Variants in ANKRD6 observed in about 807,000 individuals in gnomAD.
ANKRD6 encodes the protein ankyrin repeat domain-containing protein 6.
Under a neutral mutation model 82.3 loss-of-function variants are expected in ANKRD6, and 56 were observed. The observed-to-expected ratio is 0.68, with a 90% CI of 0.55 to 0.85. The LOEUF (loss-of-function observed/expected upper bound fraction) is 0.85, where lower values mean the gene tolerates loss of function less well. ANKRD6 is among the 40% of genes least tolerant of loss of function. The pLI is 0.00. For synonymous variants in ANKRD6, 347 were observed against 352.1 expected (o/e 0.99, Z 0.16); for missense variants, 852 against 907.6 (o/e 0.94, Z 0.79).
rs558404595 is a variant in ANKRD6, at chr6:89,552,900, C to T, written c.-143-13934C>T. Among the ~76,000 whole-genome samples the T allele has an allele frequency of 2.6e-5, 4 of 152,312 alleles. No individual in the cohort carries two copies. In the East Asian group the frequency reaches 7.7e-4, roughly 29 times the overall value. On this transcript the variant is annotated intron_variant, in intron 1 of 15. Transcript: ENST00000339746. ...TTGCTTCTCCCCACTCCTGCCTCAG[C>T]CAACCTTGGAAGAGAATTGAGAAGG...
chr6:89,509,663 C>A (rs1024969058), intron 1 of ANKRD6, among the ~76,000 whole-genome samples: 2 of 152,154 alleles, frequency 1.3e-5, no homozygotes, highest in African/African-American at 4.8e-5. Flanking sequence ...ATGGTACTTG[C>A]GGCATTAGCA....
At chr6:89,616,398 CT>C in intron 7 of ANKRD6, 160 bp from the exon 8 acceptor site, 1 of 625,870 alleles carries the variant, frequency 1.6e-6, no homozygotes, top group South Asian at 2.0e-5. Flanking sequence ...TCCAAGACCT[CT>C]TTAAGTAGAG....
Position 89,462,826 on chromosome 6 carries a change from C to G in ANKRD6, c.-144+29451C>G, listed in dbSNP as rs571406328. On this transcript the variant is annotated intron_variant, in intron 1 of 15. Transcript: ENST00000339746. ...TGTTTTTACATTGTAGAAAAGTACACGAGTACCCCTATGTATTGACCACCA... is the reference window on the plus strand; with the variant it reads ...TGTTTTTACATTGTAGAAAAGTACAGGAGTACCCCTATGTATTGACCACCA... Among the ~76,000 whole-genome samples the G allele has an allele frequency of 3.6e-4, 54 of 149,068 alleles. 1 individual carries two copies. The highest frequency in any genetic ancestry group is 7.1e-4 in the Non-Finnish European group (48 of 67,506).
In ANKRD6 at chr6:89,606,091, C is replaced by G. The variant is rs773293420; in HGVS notation, c.403C>G (p.Leu135Val). 80 of 1,572,976 alleles carry G rather than the reference C, an allele frequency of 5.1e-5. 1 individual carries two copies. The South Asian group carries it at 8.1e-4, about 16-fold the overall frequency. The change falls in exon 5 of 16, where the codon CTT becomes GTT. Residue 135 changes from leucine to valine, a missense_variant. Coordinates refer to ENST00000339746, the MANE Select transcript of ANKRD6 (RefSeq NM_001242809.2). ...KLLIKAGANV[L>V]AKNKAGNTAL... ...GCTCATTAAAGCAGGAGCCAACGTG[C>G]TTGCCAAGAACAAGGTGAGGCCTGG...
Position 89,630,622 on chromosome 6 carries a change from A to G in ANKRD6, c.1802A>G (p.Asn601Ser). 6.2e-7 allele frequency: 1 copy of G among 1,613,910 alleles called. No homozygotes were observed. Among genetic ancestry groups the G allele is most frequent in the Non-Finnish European group, 8.5e-7 (1 of 1,179,834 alleles). ...VKVQTALLPM[N>S]EAARSDQQAG... ...GTCCAGACAGCCTTGCTACCCATGAATGAGGCAGCCAGATCTGATCAGCAG... is the reference window on the plus strand; with the variant it reads ...GTCCAGACAGCCTTGCTACCCATGAGTGAGGCAGCCAGATCTGATCAGCAG... Residue 601 changes from asparagine (N) to serine (S), a missense_variant, in exon 16 of 16, where the codon AAT becomes AGT. By Grantham distance (46) the Asn-to-Ser change is conservative. Transcript: ENST00000339746.
intron 1 of ANKRD6, among the ~76,000 whole-genome samples, chr6:89,457,778 T>C (rs1032107573): frequency 1.3e-5 from 2 of 152,226 alleles, no homozygotes; most frequent in Non-Finnish European, 2.9e-5. Context: ...GATTGAGTTA[T>C]ATTTTTTCTC....
Position 89,624,633 on chromosome 6 carries a change from C to G in ANKRD6, c.1313C>G (p.Ser438Trp). The G allele has an allele frequency of 6.3e-7, 1 of 1,587,598 alleles. No individual in the cohort carries two copies. Among genetic ancestry groups the G allele is most frequent in the South Asian group, 1.2e-5 (1 of 86,596 alleles). The change falls in exon 13 of 16, where the codon TCG becomes TGG. Residue 438 changes from serine (S) to tryptophan (W), a missense_variant. Physicochemically the swap from Ser to Trp is radical, Grantham distance 177. Coordinates refer to ENST00000339746, the MANE Select transcript of ANKRD6 (RefSeq NM_001242809.2). ...TVEEIKAELG[S>W]VQDKMNTKLG... ...GAGGAGATAAAAGCAGAGCTGGGAT[C>G]GGTTCAGGACAAAATGAATACAAAG...
In ANKRD6 at chr6:89,567,035, A is replaced by C. The variant is rs1274672655; in HGVS notation, c.59A>C (p.Lys20Thr). 1.2e-6 allele frequency: 2 copies of C among 1,607,586 alleles called. No individual in the cohort carries two copies. ...LSERLLVAAY[K>T]GQTENVVQLI... ...GAGCGCCTTCTCGTAGCTGCGTACA[A>C]AGGCCAAACAGAGAATGTGGTTCAG... The change falls in exon 2 of 16, where the codon AAA becomes ACA. Residue 20 changes from lysine (K) to threonine (T), a missense_variant. Physicochemically the swap from Lys to Thr is moderately conservative, Grantham distance 78. Coordinates refer to ENST00000339746, the MANE Select transcript of ANKRD6 (RefSeq NM_001242809.2).
chr6:89,592,787 GACAC>G (rs199793341), intron 2 of ANKRD6, among the ~76,000 whole-genome samples: 1 of 152,054 alleles, frequency 6.6e-6, no homozygotes, highest in Non-Finnish European at 1.5e-5. Flanking sequence ...GATCTCTTGA[GACAC>G]ACACACAAAA....
At chr6:89,485,104 C>T (rs925003950) in intron 1 of ANKRD6, among the ~76,000 whole-genome samples, 3 of 152,158 alleles carry the variant, frequency 2.0e-5, no homozygotes, top group African/African-American at 7.2e-5. Context: ...TCACCCAGCC[C>T]AATGAAGAAT....
Position 89,630,620 on chromosome 6 carries a change from G to C in ANKRD6, c.1800G>C (p.Met600Ile). 1 of 1,613,946 alleles carries C rather than the reference G, an allele frequency of 6.2e-7. No individual in the cohort carries two copies. The highest frequency in any genetic ancestry group is 8.5e-7 in the Non-Finnish European group (1 of 1,179,840). Residue 600 changes from methionine (M) to isoleucine (I), a missense_variant, in exon 16 of 16, where the codon ATG (methionine) becomes ATC (isoleucine). By Grantham distance (10) the Met-to-Ile change is conservative. Transcript: ENST00000339746. ...NVKVQTALLP[M>I]NEAARSDQQA... is the part of the protein sequence containing the mutation. ...AGGTCCAGACAGCCTTGCTACCCATGAATGAGGCAGCCAGATCTGATCAGC... is the reference window on the plus strand; with the variant it reads ...AGGTCCAGACAGCCTTGCTACCCATCAATGAGGCAGCCAGATCTGATCAGC...
intron 1 of ANKRD6, among the ~76,000 whole-genome samples, chr6:89,479,629 A>C (rs1031658151): frequency 6.8e-6 from 1 of 146,086 alleles, no homozygotes; most frequent in South Asian, 2.1e-4. Context: ...TTATTTATTT[A>C]TTATTATTAT....
At chr6:89,508,111 T>C (rs1438835368) in intron 1 of ANKRD6, among the ~76,000 whole-genome samples, 1 of 152,242 alleles carries the variant, frequency 6.6e-6, no homozygotes, top group Non-Finnish European at 1.5e-5. Context: ...TATTGCTGTA[T>C]AACAAATTAC....
At chr6:89,516,331 G>A (rs1435600334) in intron 1 of ANKRD6, among the ~76,000 whole-genome samples, 1 of 152,168 alleles carries the variant, frequency 6.6e-6, no homozygotes, top group Non-Finnish European at 1.5e-5. Context: ...TCAATCTTCT[G>A]CCCTTCAACT....
chr6:89,585,065 A>G (rs1793411429), intron 2 of ANKRD6, among the ~76,000 whole-genome samples: 1 of 152,204 alleles, frequency 6.6e-6, no homozygotes, highest in Admixed American at 6.5e-5. Context: ...TATCAATTTC[A>G]GGGAGACACA....
At chr6:89,602,881 T>A in intron 3 of ANKRD6, 148 bp from the exon 4 acceptor site, 1 of 610,892 alleles carries the variant, frequency 1.6e-6, no homozygotes, top group Non-Finnish European at 2.9e-6. Flanking sequence ...AAGCCCGCCT[T>A]GCCTGTGGTA....
intron 1 of ANKRD6, among the ~76,000 whole-genome samples, chr6:89,513,143 T>C (rs533406977): frequency 1.5e-4 from 23 of 152,296 alleles, no homozygotes; most frequent in South Asian, 6.2e-4. Flanking sequence ...CCCAGGCTGG[T>C]CTCAAACTCC....
chr6:89,568,568 T>C (rs1789059286), intron 2 of ANKRD6, among the ~76,000 whole-genome samples: 1 of 152,218 alleles, frequency 6.6e-6, no homozygotes, highest in African/African-American at 2.4e-5. Flanking sequence ...ATTCGTTTTT[T>C]TCAACCCTAA....
chr6:89,443,653 T>C (rs540368936), intron 1 of ANKRD6, among the ~76,000 whole-genome samples: 2 of 104,202 alleles, frequency 1.9e-5, no homozygotes, highest in South Asian at 5.2e-4. Flanking sequence ...AATTTTTGTA[T>C]TTTTTGTAGA....
Sources: allele counts gnomAD v4.1 joint callset (sites outside exome capture counted in the v4.1 genomes callset), GRCh38; gene constraint gnomAD v4.1.1; transcripts MANE v1.5; gene names NCBI Gene and HGNC (gene_info 2026-07-23, HGNC 2026-07-21).